Variants in CTXND1 observed in about 807,000 individuals in gnomAD.
CTXND1 encodes cortexin domain containing 1.
rs1382579002 is a variant in CTXND1 at position 80,201,885 on chromosome 15, A to C, written c.65T>G (p.Phe22Cys). The change falls in exon 3 of 3, where the codon TTC becomes TGC. Residue 22 changes from phenylalanine to cysteine, a missense_variant. Coordinates refer to ENST00000560778, the MANE Select transcript of CTXND1 (RefSeq NM_001352888.2). ...DVDKGLTLAC[F>C]VFLCLFLVVM... is the part of the protein sequence containing the mutation. ...GACAAGGAAGAGGCAGAGGAAGACG[A>C]AGCAGGCCAAGGTCAGCCCTTTGTC... 2 of 398,714 alleles carry C rather than the reference A, an allele frequency of 5.0e-6. No homozygotes were observed. The highest frequency in any genetic ancestry group is 4.4e-5 in the Admixed American group (1 of 22,724). The allele number at this position is 398,714 out of a possible 1,614,324, so 24.7% of individuals were successfully genotyped here.
intron 1 of CTXND1, among the ~76,000 whole-genome samples, chr15:80,209,077 C>T (rs1567128677): frequency 2.0e-5 from 3 of 152,170 alleles, no homozygotes; most frequent in Admixed American, 1.3e-4. Flanking sequence ...ACAGGGATCA[C>T]CTTGTGACCC....
chr15:80,228,228 C>T (rs1216016751), intron 1 of CTXND1, among the ~76,000 whole-genome samples: 1 of 152,246 alleles, frequency 6.6e-6, no homozygotes, highest in African/African-American at 2.4e-5. Context: ...GAGTCTTGAA[C>T]TCCTCAAAGT....
chr15:80,201,002 T>C lies in CTXND1; in HGVS notation c.*768A>G, dbSNP rs577859637. The C allele has an allele frequency of 6.6e-6, 1 of 152,282 alleles. No individual in the cohort carries two copies. The highest frequency in any genetic ancestry group is 1.9e-4 in the East Asian group (1 of 5,188). 9.4% of individuals were successfully genotyped at this position (152,282 alleles called of 1,614,324 possible). On this transcript the variant is annotated 3_prime_UTR_variant, in exon 3 of 3. Coordinates refer to ENST00000560778, the MANE Select transcript of CTXND1 (RefSeq NM_001352888.2). Reference sequence around the variant, plus strand: ...TATCATATGAGGCGATACAACATCATGCACAGAGTATGAATTTGACTAAAA... The same window carrying C: ...TATCATATGAGGCGATACAACATCACGCACAGAGTATGAATTTGACTAAAA...
At chr15:80,229,534 T>C (rs980177562) in intron 1 of CTXND1, among the ~76,000 whole-genome samples, 10 of 152,190 alleles carry the variant, frequency 6.6e-5, no homozygotes, top group Non-Finnish European at 1.0e-4. Context: ...AACAGGTCAT[T>C]CACTGCAAAT....
chr15:80,204,672 TAC>T lies in CTXND1; in HGVS notation c.-217-934_-217-933del, dbSNP rs1191588135. On this transcript the variant is annotated intron_variant, in intron 1 of 2. Coordinates refer to ENST00000560778, the MANE Select transcript of CTXND1 (RefSeq NM_001352888.2). ...GTATATATATATATATATATATATA[TAC>T]CACATTTTGTTTATCCATTTTTTCA... 1.8e-3 allele frequency among the ~76,000 whole-genome samples: 219 copies of T among 124,866 alleles called. 1 individual carries two copies. The highest frequency in any genetic ancestry group is 7.4e-3 in the African/African-American group (208 of 27,936). 81.9% of individuals were successfully genotyped at this position (124,866 alleles called of 152,430 possible). A position where few individuals can be genotyped will look rare whatever the true frequency, so the allele number is the denominator to read the frequency against.
At chr15:80,231,792 A>T (rs1012640725) in intron 1 of CTXND1, among the ~76,000 whole-genome samples, 1 of 152,142 alleles carries the variant, frequency 6.6e-6, no homozygotes, top group African/African-American at 2.4e-5. Context: ...TTATTAAAAA[A>T]TTTTCCATCT....
chr15:80,229,658 A>G (rs142270673), intron 1 of CTXND1, among the ~76,000 whole-genome samples: 2 of 152,280 alleles, frequency 1.3e-5, no homozygotes, highest in African/African-American at 4.8e-5. Context: ...CTTTGTTCCT[A>G]CGGTATTTTG....
chr15:80,220,143 TATC>T (rs754375699), intron 1 of CTXND1, among the ~76,000 whole-genome samples: 2,708 of 66,522 alleles, frequency 0.041, 30 homozygotes, highest in Non-Finnish European at 0.045. Context: ...TCTATCTATC[TATC>T]ATCTATCTAT....
At position 80,195,682 on chromosome 15, in the gene CTXND1, C is replaced by G. The variant is rs56264337; in HGVS notation, c.*6088G>C. 0.23 allele frequency: 34,699 copies of G among 152,134 alleles called. 4,078 individuals are homozygous for G. The highest frequency in any genetic ancestry group is 0.29 in the East Asian group (1,508 of 5,166). 9.4% of individuals were successfully genotyped at this position (152,134 alleles called of 1,614,324 possible). A position where few individuals can be genotyped will look rare whatever the true frequency, so the allele number is the denominator to read the frequency against. Reference sequence around the variant, plus strand: ...TGAGATAACTGCATTAATCCATTCACTCCGCCCTCATGGCCTAATCACCTC... The same window carrying G: ...TGAGATAACTGCATTAATCCATTCAGTCCGCCCTCATGGCCTAATCACCTC... On this transcript the variant is annotated 3_prime_UTR_variant, in exon 3 of 3. Transcript: ENST00000560778.
intron 1 of CTXND1, among the ~76,000 whole-genome samples, chr15:80,247,668 G>A (rs1207206923): frequency 1.3e-5 from 2 of 152,096 alleles, no homozygotes; most frequent in African/African-American, 4.8e-5. Context: ...TTTTAGGAGA[G>A]TTAGATTTCA....
chr15:80,249,905 G>T (rs533013891), intron 1 of CTXND1, among the ~76,000 whole-genome samples: 27 of 152,328 alleles, frequency 1.8e-4, no homozygotes, highest in African/African-American at 6.3e-4. Context: ...ACCGGTTCCA[G>T]AGCCTTCAAT....
intron 1 of CTXND1, among the ~76,000 whole-genome samples, chr15:80,208,259 A>G (rs1450053542): frequency 6.6e-6 from 1 of 152,254 alleles, no homozygotes; most frequent in Non-Finnish European, 1.5e-5. Context: ...ACACGTGTGC[A>G]CACACACATA....
chr15:80,213,550 A>G (rs1159692462), intron 1 of CTXND1, among the ~76,000 whole-genome samples: 2 of 152,204 alleles, frequency 1.3e-5, no homozygotes, highest in Non-Finnish European at 2.9e-5. Flanking sequence ...AGGCAATGTG[A>G]CCCACAGAAG....
chr15:80,203,127 G>A (rs1170570299), intron 2 of CTXND1, among the ~76,000 whole-genome samples: 1 of 152,182 alleles, frequency 6.6e-6, no homozygotes, highest in Non-Finnish European at 1.5e-5. Flanking sequence ...GGAGCGAGCA[G>A]GCAGCTCCCC....
chr15:80,232,796 C>T (rs1893446183), intron 1 of CTXND1, among the ~76,000 whole-genome samples: 1 of 152,156 alleles, frequency 6.6e-6, no homozygotes. Flanking sequence ...TAGTTAAAAT[C>T]CCAAAGCCCT....
At chr15:80,212,982 C>G (rs117851843) in intron 1 of CTXND1, among the ~76,000 whole-genome samples, 1 of 152,302 alleles carries the variant, frequency 6.6e-6, no homozygotes, top group East Asian at 1.9e-4. Context: ...GCTTTGGAAA[C>G]CAATGGAGTT....
chr15:80,204,077 C>T (rs1458607356), intron 1 of CTXND1, among the ~76,000 whole-genome samples: 2 of 136,460 alleles, frequency 1.5e-5, no homozygotes, highest in Non-Finnish European at 3.1e-5. Context: ...GCAAGAGAGT[C>T]ACTTGAACCC....
At chr15:80,224,722 G>T (rs550593665) in intron 1 of CTXND1, among the ~76,000 whole-genome samples, 5 of 152,212 alleles carry the variant, frequency 3.3e-5, no homozygotes, top group African/African-American at 1.2e-4. Flanking sequence ...TAGATTTTTC[G>T]TATTTTATTT....
chr15:80,205,347 G>A (rs773335644), intron 1 of CTXND1, among the ~76,000 whole-genome samples: 5 of 152,092 alleles, frequency 3.3e-5, no homozygotes, highest in African/African-American at 1.2e-4. Flanking sequence ...GAGTATGTCC[G>A]TAATTAAATT....
Sources: allele counts gnomAD v4.1 joint callset (sites outside exome capture counted in the v4.1 genomes callset), GRCh38; gene constraint gnomAD v4.1.1; transcripts MANE v1.5; gene names NCBI Gene and HGNC (gene_info 2026-07-23, HGNC 2026-07-21).